PTPRD: variants seen among roughly 807,000 people sequenced by gnomAD.
The protein encoded by PTPRD is protein tyrosine phosphatase receptor type D.
In PTPRD, 34 loss-of-function variants were observed where a neutral mutation model predicts 214.5. That is an observed-to-expected ratio of 0.16 (90% CI 0.12 to 0.21). PTPRD has a LOEUF of 0.21. PTPRD is among the 10% of genes least tolerant of loss of function. The pLI is 1.00. For synonymous variants in PTPRD, 1,128 were observed against 845.7 expected (o/e 1.33, Z -5.79); for missense variants, 2,545 against 2,398.7 (o/e 1.06, Z -1.27).
chr9:9,041,213 T>C (rs1320200524), intron 10 of PTPRD, among the ~76,000 whole-genome samples: 2 of 152,316 alleles, frequency 1.3e-5, no homozygotes, highest in African/African-American at 2.4e-5. Context: ...CTTCCCTTTT[T>C]CTTTAACTTT....
intron 7 of PTPRD, among the ~76,000 whole-genome samples, chr9:9,700,448 T>C (rs12551242): frequency 0.1 from 15,144 of 152,124 alleles, 1,310 homozygotes; most frequent in East Asian, 0.44. Flanking sequence ...AGAGTTGAGA[T>C]GTGTAAGGCA....
chr9:9,053,995 G>T (rs2099691546), intron 10 of PTPRD, among the ~76,000 whole-genome samples: 1 of 152,216 alleles, frequency 6.6e-6, no homozygotes, highest in Admixed American at 6.5e-5. Flanking sequence ...ATATGAGTGA[G>T]AAAGGAGACA....
intron 9 of PTPRD, among the ~76,000 whole-genome samples, chr9:9,289,280 A>C (rs747206445): frequency 2.0e-5 from 3 of 151,930 alleles, no homozygotes; most frequent in Non-Finnish European, 4.4e-5. Context: ...AACTTGGTTC[A>C]TATCTGAAGT....
intron 35 of PTPRD, among the ~76,000 whole-genome samples, chr9:8,416,773 T>A (rs929383112): frequency 3.3e-5 from 5 of 152,070 alleles, no homozygotes; most frequent in Non-Finnish European, 7.4e-5. Flanking sequence ...CAATGAGGGG[T>A]GGATTATCAC....
At position 9,765,755 on chromosome 9, in the gene PTPRD, G is replaced by A. The variant is rs867426466; in HGVS notation, c.-326+1055C>T. Among the ~76,000 whole-genome samples the A allele has an allele frequency of 2.0e-4, 31 of 152,218 alleles. No homozygotes were observed. In the South Asian group the frequency reaches 5.6e-3, roughly 28 times the overall value. On this transcript the variant is annotated intron_variant, in intron 6 of 45. Coordinates refer to ENST00000381196, the MANE Select transcript of PTPRD (RefSeq NM_002839.4). ...GGCTCACTGCAAGCTTCACCTCCTG[G>A]GTTCACGCCATTCTCCTGCCACTGC...
chr9:9,445,435 T>G (rs2090047843), intron 8 of PTPRD, among the ~76,000 whole-genome samples: 1 of 152,186 alleles, frequency 6.6e-6, no homozygotes, highest in African/African-American at 2.4e-5. Context: ...CCTGTATTAG[T>G]CCATTCTCAT....
chr9:8,392,668 A>G (rs7041166), intron 36 of PTPRD, among the ~76,000 whole-genome samples: 17,907 of 152,202 alleles, frequency 0.12, 1,193 homozygotes, highest in African/African-American at 0.16. Context: ...ACCTATTTGT[A>G]AGAAGGTAGT....
intron 8 of PTPRD, among the ~76,000 whole-genome samples, chr9:9,550,440 A>G (rs1254997017): frequency 2.7e-5 from 4 of 148,104 alleles, no homozygotes; most frequent in Non-Finnish European, 6.0e-5. Context: ...ATTAATGTAT[A>G]TTATGTATAG....
At chr9:9,641,167 C>G (rs1459245613) in intron 7 of PTPRD, among the ~76,000 whole-genome samples, 5 of 120,510 alleles carry the variant, frequency 4.1e-5, no homozygotes, top group Non-Finnish European at 1.0e-4. Flanking sequence ...GTTGATGCTG[C>G]TTAGCAAATG....
At chr9:10,567,383 C>CAA (rs5896403) in intron 2 of PTPRD, among the ~76,000 whole-genome samples, 3 of 151,802 alleles carry the variant, frequency 2.0e-5, no homozygotes, top group East Asian at 1.9e-4. Flanking sequence ...AGCTTTTCTG[C>CAA]AAAAAATAAT....
At chr9:10,230,378 T>G (rs2099604488) in intron 3 of PTPRD, among the ~76,000 whole-genome samples, 1 of 151,896 alleles carries the variant, frequency 6.6e-6, no homozygotes, top group South Asian at 2.1e-4. Context: ...CTTAGTCTTT[T>G]CTTACCAAAA....
At chr9:8,782,009 T>C (rs895012070) in intron 11 of PTPRD, among the ~76,000 whole-genome samples, 10 of 152,026 alleles carry the variant, frequency 6.6e-5, no homozygotes, top group Non-Finnish European at 1.5e-4. Context: ...AAAAACTGTA[T>C]ATATATTATG....
chr9:9,238,176 G>C (rs1427489935), intron 9 of PTPRD, among the ~76,000 whole-genome samples: 1 of 152,012 alleles, frequency 6.6e-6, no homozygotes, highest in Admixed American at 6.6e-5. Flanking sequence ...GGAGGCCTCT[G>C]TCTTCTGCAT....
At chr9:8,761,284 G>A (rs868833903) in intron 11 of PTPRD, among the ~76,000 whole-genome samples, 1 of 152,164 alleles carries the variant, frequency 6.6e-6, no homozygotes, top group Non-Finnish European at 1.5e-5. Context: ...GCTATAAAAA[G>A]AGACTAGGAC....
intron 2 of PTPRD, among the ~76,000 whole-genome samples, chr9:10,373,319 C>T (rs1161383765): frequency 1.3e-5 from 2 of 152,044 alleles, no homozygotes; most frequent in Non-Finnish European, 2.9e-5. Context: ...AATTTAGCCT[C>T]TACTGAAAAC....
chr9:9,658,270 T>C (rs1441535446), intron 7 of PTPRD, among the ~76,000 whole-genome samples: 1 of 152,154 alleles, frequency 6.6e-6, no homozygotes, highest in Non-Finnish European at 1.5e-5. Flanking sequence ...GAGGATATAC[T>C]AGGTTGTTTT....
chr9:9,361,101 T>G (rs1222878995), intron 9 of PTPRD, among the ~76,000 whole-genome samples: 1 of 151,200 alleles, frequency 6.6e-6, no homozygotes, highest in African/African-American at 2.4e-5. Context: ...CATGTCATGT[T>G]TAAATCCATT....
chr9:10,563,468 G>C (rs1471412616), intron 2 of PTPRD, among the ~76,000 whole-genome samples: 1 of 152,176 alleles, frequency 6.6e-6, no homozygotes, highest in East Asian at 1.9e-4. Flanking sequence ...CTCATTATTT[G>C]AGTATGGAAA....
At chr9:9,871,844 G>T (rs994529990) in intron 5 of PTPRD, among the ~76,000 whole-genome samples, 3 of 152,120 alleles carry the variant, frequency 2.0e-5, no homozygotes, top group African/African-American at 7.2e-5. Context: ...GGAGGGGTTG[G>T]CTTGATCTTT....
Sources: allele counts gnomAD v4.1 joint callset (sites outside exome capture counted in the v4.1 genomes callset), GRCh38; gene constraint gnomAD v4.1.1; transcripts MANE v1.5; gene names NCBI Gene and HGNC (gene_info 2026-07-23, HGNC 2026-07-21).